CRTC3: variants seen among roughly 807,000 people sequenced by gnomAD.
CRTC3 encodes CREB-regulated transcription coactivator 3.
CRTC3 carries 26 observed loss-of-function variants against 74.5 expected under a neutral mutation model. That is an observed-to-expected ratio of 0.35 (90% CI 0.26 to 0.48). The LOEUF (loss-of-function observed/expected upper bound fraction) is 0.48. Ranked by LOEUF, CRTC3 falls within the 20% of genes least tolerant of loss-of-function variation. CRTC3 has a pLI of 0.99. For missense variants in CRTC3, 760 were observed against 787.3 expected (o/e 0.97, Z 0.41); for synonymous variants, 377 against 325.8 (o/e 1.16, Z -1.69).
At position 90,642,177 on chromosome 15, in the gene CRTC3, A is replaced by G; in HGVS notation, c.*37A>G. On this transcript the variant is annotated 3_prime_UTR_variant, in exon 15 of 15. Transcript: ENST00000268184. ...TGGAACAGAAGAATGTTTTTCTGCA[A>G]CAGCCAAAATAGAATGGAATAGAAT... 7 of 1,569,290 alleles carry G rather than the reference A, an allele frequency of 4.5e-6. No homozygotes were observed. The highest frequency in any genetic ancestry group is 6.1e-6 in the Non-Finnish European group (7 of 1,140,326).
intron 2 of CRTC3, among the ~76,000 whole-genome samples, chr15:90,552,410 C>T (rs535232102): frequency 6.6e-5 from 10 of 152,190 alleles, no homozygotes; most frequent in Non-Finnish European, 1.5e-4. Flanking sequence ...CTTCTTGTGT[C>T]ATCTAATGGT....
chr15:90,583,240 A>T (rs542195969), intron 2 of CRTC3, among the ~76,000 whole-genome samples: 2 of 152,180 alleles, frequency 1.3e-5, no homozygotes, highest in South Asian at 4.1e-4. Context: ...CAACCCCAAA[A>T]CTGTTTTATC....
rs775372096 is a variant in CRTC3 at position 90,625,740 on chromosome 15, A to T, written c.750-36A>T. ...GTTTGGTTTCCCAACAGCCAAATAC[A>T]TTGTAGAAAGTCATTCTTAATCTTT... is the stretch of plus-strand genomic sequence containing the variant. On this transcript the variant is annotated intron_variant, in intron 9 of 14. Coordinates refer to ENST00000268184, the MANE Select transcript of CRTC3 (RefSeq NM_022769.5). 1.9e-6 allele frequency: 3 copies of T among 1,579,246 alleles called. No individual in the cohort carries two copies. In the East Asian group the frequency reaches 6.7e-5, roughly 35 times the overall value.
intron 2 of CRTC3, among the ~76,000 whole-genome samples, chr15:90,547,889 C>CTT (rs34721161): frequency 4.0e-5 from 4 of 100,450 alleles, no homozygotes; most frequent in Admixed American, 2.1e-4. Flanking sequence ...TTTTCGTATC[C>CTT]TTTTTTTTTT....
In CRTC3 at chr15:90,643,830, C is replaced by G. The variant is rs758863546; in HGVS notation, c.*1690C>G. ...TTTGCTTGGACAGCCATTGCCCTTC[C>G]AGGAGACCCTGGAGTGTACTGAGGG... On this transcript the variant is annotated 3_prime_UTR_variant, in exon 15 of 15. Coordinates refer to ENST00000268184, the MANE Select transcript of CRTC3 (RefSeq NM_022769.5). 16 of 232,414 alleles carry G rather than the reference C, an allele frequency of 6.9e-5. No individual in the cohort carries two copies. The highest frequency in any genetic ancestry group is 1.4e-4 in the Non-Finnish European group (16 of 117,650). The allele number at this position is 232,414 out of a possible 1,614,324, so 14.4% of individuals were successfully genotyped here.
intron 2 of CRTC3, among the ~76,000 whole-genome samples, chr15:90,560,932 C>T (rs1236244781): frequency 6.6e-6 from 1 of 152,164 alleles, no homozygotes; most frequent in Non-Finnish European, 1.5e-5. Flanking sequence ...TTTAGTAAGT[C>T]TCTGTCATAA....
At position 90,612,278 on chromosome 15, in the gene CRTC3, G is replaced by A. The variant is rs558209204; in HGVS notation, c.578-2175G>A. Among the ~76,000 whole-genome samples, 3 of 152,168 alleles carry A rather than the reference G, an allele frequency of 2.0e-5. 1 individual carries two copies. In the South Asian group the frequency reaches 6.2e-4, roughly 32 times the overall value. On this transcript the variant is annotated intron_variant, in intron 6 of 14. Coordinates refer to ENST00000268184, the MANE Select transcript of CRTC3 (RefSeq NM_022769.5). ...ATGATAATAGCATCTACGTCGCAGA[G>A]TTGCTGTGGGGATCCCATGAGATCA...
At chr15:90,626,281 C>T (rs1968831879) in intron 10 of CRTC3, among the ~76,000 whole-genome samples, 1 of 152,200 alleles carries the variant, frequency 6.6e-6, no homozygotes, top group Non-Finnish European at 1.5e-5. Flanking sequence ...AATAAGCATC[C>T]ACTCCGTGTT....
At position 90,535,922 on chromosome 15, in the gene CRTC3, G is replaced by C. The variant is rs1310248122; in HGVS notation, c.133-4117G>C. On this transcript the variant is annotated intron_variant, in intron 1 of 14. Coordinates refer to ENST00000268184, the MANE Select transcript of CRTC3 (RefSeq NM_022769.5). Reference sequence around the variant, plus strand: ...GCAGAGCTGGTAAGTGGTAGAGCCAGGGTTTGAATCTAGCTATCACAGTGA... The same window carrying C: ...GCAGAGCTGGTAAGTGGTAGAGCCACGGTTTGAATCTAGCTATCACAGTGA... 2.0e-5 allele frequency among the ~76,000 whole-genome samples: 3 copies of C among 152,302 alleles called. No individual in the cohort carries two copies. The East Asian group carries it at 5.8e-4, about 29-fold the overall frequency.
rs372616463 is a variant in CRTC3, at chr15:90,629,476, G to A, written c.1210G>A (p.Gly404Ser). Residue 404 changes from glycine (G) to serine (S), a missense_variant, in exon 11 of 15, where the codon GGT becomes AGT. Gly to Ser is a moderately conservative substitution (Grantham distance 56). This residue lies in a region of CRTC3 where 652 missense variants were observed against 635.2 expected (regional missense o/e 1.03). Transcript: ENST00000268184. ...TLSPGPEAHQ[G>S]FSRQLSSTSP... ...TTCTCCTGGCCCTGAAGCACATCAA[G>A]GTTTCAGCAGACAGCTGTCTTCAAC... The A allele has an allele frequency of 6.2e-7, 1 of 1,614,052 alleles. No homozygotes were observed. The highest frequency in any genetic ancestry group is 1.3e-5 in the African/African-American group (1 of 75,004).
At chr15:90,555,014 C>T (rs1246585192) in intron 2 of CRTC3, among the ~76,000 whole-genome samples, 1 of 152,128 alleles carries the variant, frequency 6.6e-6, no homozygotes, top group African/African-American at 2.4e-5. Flanking sequence ...TACAATTGGC[C>T]ATACTCTGGC....
intron 9 of CRTC3, among the ~76,000 whole-genome samples, chr15:90,622,892 A>C (rs1438395654): frequency 6.6e-6 from 1 of 152,174 alleles, no homozygotes; most frequent in Non-Finnish European, 1.5e-5. Flanking sequence ...ATTTATATTC[A>C]GTTTTTCTAC....
In CRTC3 at chr15:90,642,165, T is replaced by C; in HGVS notation, c.*25T>C. 1 of 1,600,542 alleles carries C rather than the reference T, an allele frequency of 6.2e-7. No individual in the cohort carries two copies. The highest frequency in any genetic ancestry group is 8.6e-7 in the Non-Finnish European group (1 of 1,168,238). On this transcript the variant is annotated 3_prime_UTR_variant, in exon 15 of 15. Transcript: ENST00000268184. ...AACAGAAGGCAGTGGAACAGAAGAATGTTTTTCTGCAACAGCCAAAATAGA... is the reference window on the plus strand; with the variant it reads ...AACAGAAGGCAGTGGAACAGAAGAACGTTTTTCTGCAACAGCCAAAATAGA...
At position 90,540,074 on chromosome 15, in the gene CRTC3, A is replaced by G. The variant is rs764988454; in HGVS notation, c.168A>G (p.Thr56=). ...AGAAGCTTCAGCAACTGCGCCTTAC[A>G]CAGTACCATGGAGGATCCTTACCAA... ...QFQKLQQLRL[T]QYHGGSLPNV... is the part of the protein sequence containing the mutation. The change falls in exon 2 of 15, where the codon ACA becomes ACG. Residue 56 remains threonine, a synonymous_variant. Transcript: ENST00000268184. 5 of 1,613,434 alleles carry G rather than the reference A, an allele frequency of 3.1e-6. No homozygotes were observed. In the South Asian group the frequency reaches 4.4e-5, roughly 14 times the overall value.
intron 2 of CRTC3, among the ~76,000 whole-genome samples, chr15:90,574,410 G>A (rs1029982515): frequency 3.3e-5 from 5 of 152,092 alleles, no homozygotes; most frequent in Non-Finnish European, 5.9e-5. Context: ...CCTGAGAGGC[G>A]GAGGTTGCAG....
chr15:90,592,604 T>C (rs1222210399), intron 2 of CRTC3, among the ~76,000 whole-genome samples: 1 of 152,242 alleles, frequency 6.6e-6, no homozygotes, highest in African/African-American at 2.4e-5. Flanking sequence ...ACCATGAATT[T>C]ATCTACAATC....
At chr15:90,587,595 G>A (rs141022910) in intron 2 of CRTC3, among the ~76,000 whole-genome samples, 117 of 152,138 alleles carry the variant, frequency 7.7e-4, no homozygotes, top group African/African-American at 2.8e-3. Context: ...TTACAGGTTC[G>A]TTTCTTTCTT....
chr15:90,534,310 G>A (rs957736935), intron 1 of CRTC3, among the ~76,000 whole-genome samples: 2 of 152,154 alleles, frequency 1.3e-5, no homozygotes, highest in South Asian at 2.1e-4. Context: ...AGGTTTGTGC[G>A]GAAATGCTGA....
At chr15:90,583,501 C>CT (rs1967589954) in intron 2 of CRTC3, among the ~76,000 whole-genome samples, 1 of 152,156 alleles carries the variant, frequency 6.6e-6, no homozygotes. Flanking sequence ...CCCAGATCAG[C>CT]TGGTCAAAAA....
Sources: gnomAD v4.1 joint callset for allele counts (sites outside exome capture counted in the v4.1 genomes callset) on GRCh38, gnomAD v4.1.1 for gene constraint, gnomAD v4.1.1 regional missense constraint, MANE v1.5 for transcripts, NCBI Gene and HGNC (gene_info 2026-07-23, HGNC 2026-07-21) for gene names.